Variants in ZNF778 observed in about 807,000 individuals in gnomAD.
ZNF778 encodes zinc finger protein 778.
A neutral mutation model predicts 23.9 loss-of-function variants in ZNF778; 37 were observed. The ratio of observed to expected loss-of-function variants is 1.54; its 90% CI spans 1.19 to 2.03. The LOEUF is 2.03. Ranked by LOEUF, ZNF778 falls within the 30% of genes most tolerant of loss-of-function variation. The pLI is 0.00. For missense variants in ZNF778, 1,297 were observed against 934.4 expected (o/e 1.39, Z -5.06); for synonymous variants, 483 against 343.9 (o/e 1.40, Z -4.48).
At chr16:89,219,347 C>G (rs1402563351) in intron 1 of ZNF778, among the ~76,000 whole-genome samples, 1 of 152,142 alleles carries the variant, frequency 6.6e-6, no homozygotes, top group Non-Finnish European at 1.5e-5. Flanking sequence ...TCCTCCATTT[C>G]TTGCTGCTTC....
In ZNF778 at chr16:89,227,139, G is replaced by C; in HGVS notation, c.851G>C (p.Arg284Thr). 6.2e-7 allele frequency: 1 copy of C among 1,614,060 alleles called. No individual in the cohort carries two copies. The highest frequency in any genetic ancestry group is 8.5e-7 in the Non-Finnish European group (1 of 1,179,900). Residue 284 changes from arginine to threonine, a missense_variant, in exon 7 of 7, where the codon AGG becomes ACG. Physicochemically the swap from Arg to Thr is moderately conservative, Grantham distance 71 (BLOSUM62 -1). Coordinates refer to ENST00000433976, the MANE Select transcript of ZNF778 (RefSeq NM_001201407.2). ...MHAVRNPHVC[R>T]ECGKAFRYTA... Reference sequence around the variant, plus strand: ...GCCGTCAGGAATCCCCACGTATGTAGGGAATGTGGGAAGGCCTTTAGGTAC... The same window carrying C: ...GCCGTCAGGAATCCCCACGTATGTACGGAATGTGGGAAGGCCTTTAGGTAC...
At chr16:89,226,662 C>G in intron 6 of ZNF778, 32 bp from the exon 7 acceptor site, 1 of 1,566,818 alleles carries the variant, frequency 6.4e-7, no homozygotes, top group Non-Finnish European at 8.7e-7. Context: ...GCCTCAGTAA[C>G]CCCCTGACCA....
chr16:89,224,703 C>G lies in ZNF778; in HGVS notation c.245-16C>G. ...GCCTGAGCCTCTTCCATCGATGTCT[C>G]TTTCCCTGTGTACAGGACATCACCT... On this transcript the variant is annotated splice_polypyrimidine_tract_variant and intron_variant, in intron 4 of 6. Coordinates refer to ENST00000433976, the MANE Select transcript of ZNF778 (RefSeq NM_001201407.2). 1 of 1,531,002 alleles carries G rather than the reference C, an allele frequency of 6.5e-7. No individual in the cohort carries two copies. The highest frequency in any genetic ancestry group is 8.8e-7 in the Non-Finnish European group (1 of 1,142,434). 94.8% of individuals were successfully genotyped at this position (1,531,002 alleles called of 1,614,324 possible).
chr16:89,228,692 G>T lies in ZNF778; in HGVS notation c.*130G>T. ...TCAGCATCTCATCACAACCCGGCAG[G>T]CAGGAACTCACCCTGGAGCCCTATG... On this transcript the variant is annotated 3_prime_UTR_variant, in exon 7 of 7. Transcript: ENST00000433976. The T allele has an allele frequency of 6.8e-7, 1 of 1,469,768 alleles. No individual in the cohort carries two copies. The allele number at this position is 1,469,768 out of a possible 1,614,324, so 91.0% of individuals were successfully genotyped here.
Position 89,224,779 on chromosome 16 carries a change from C to T in ZNF778, c.305C>T (p.Ala102Val), listed in dbSNP as rs1222968792. Residue 102 changes from alanine (A) to valine (V), a missense_variant, in exon 5 of 7, where the codon GCA (alanine) becomes GTA (valine). Coordinates refer to ENST00000433976, the MANE Select transcript of ZNF778 (RefSeq NM_001201407.2). ...CTGGAGCAGGAAGAGGAGTTGAGGG[C>T]AGGGCGGAGAGCAGTTCTCCAAGGT... ...YWLEQEEELR[A>V]GRRAVLQEWR... 1 of 1,513,758 alleles carries T rather than the reference C, an allele frequency of 6.6e-7. No individual in the cohort carries two copies. The highest frequency in any genetic ancestry group is 1.2e-5 in the South Asian group (1 of 82,930). 93.8% of individuals were successfully genotyped at this position (1,513,758 alleles called of 1,614,324 possible).
In ZNF778 at chr16:89,232,599, T is replaced by C; in HGVS notation, c.*4037T>C. ...TCCACTCCCAATGTCTGAGGGTTCC[T>C]CAGAGTAAGATAAAATATTAAAGGA... is the stretch of plus-strand genomic sequence containing the variant. On this transcript the variant is annotated 3_prime_UTR_variant, in exon 7 of 7. Transcript: ENST00000433976. 8.4e-7 allele frequency: 1 copy of C among 1,190,088 alleles called. No individual in the cohort carries two copies. The highest frequency in any genetic ancestry group is 1.1e-6 in the Non-Finnish European group (1 of 942,456). The allele number at this position is 1,190,088 out of a possible 1,614,324, so 73.7% of individuals were successfully genotyped here.
intron 3 of ZNF778, 86 bp from the exon 4 acceptor site, chr16:89,223,071 A>G: frequency 1.3e-6 from 2 of 1,495,934 alleles, no homozygotes; most frequent in Non-Finnish European, 1.8e-6. Flanking sequence ...TCACAGTCCC[A>G]TAGGCGTAGG....
rs2031559235 is a variant in ZNF778, at chr16:89,227,221, G to A, written c.933G>A (p.Leu311=). 1 of 1,613,196 alleles carries A rather than the reference G, an allele frequency of 6.2e-7. No homozygotes were observed. The highest frequency in any genetic ancestry group is 8.5e-7 in the Non-Finnish European group (1 of 1,179,274). ...QVHPGEKPCE[L]EECGKASPVS... ...ACCCTGGGGAAAAGCCCTGTGAATT[G>A]GAAGAATGTGGAAAAGCCTCCCCTG... Residue 311 remains leucine (L), a synonymous_variant, in exon 7 of 7, where the codon TTG becomes TTA. Transcript: ENST00000433976.
Position 89,228,998 on chromosome 16 carries a change from C to T in ZNF778, c.*436C>T, listed in dbSNP as rs1457245254. ...TGTATGGAAGATAGCAGTCGCTTCCCTGTGTTCTAAAACCTTGTGGGCTAA... is the reference window on the plus strand; with the variant it reads ...TGTATGGAAGATAGCAGTCGCTTCCTTGTGTTCTAAAACCTTGTGGGCTAA... On this transcript the variant is annotated 3_prime_UTR_variant, in exon 7 of 7. Coordinates refer to ENST00000433976, the MANE Select transcript of ZNF778 (RefSeq NM_001201407.2). 1 of 994,012 alleles carries T rather than the reference C, an allele frequency of 1.0e-6. No individual in the cohort carries two copies. The highest frequency in any genetic ancestry group is 1.8e-5 in the African/African-American group (1 of 56,734). The allele number at this position is 994,012 out of a possible 1,614,324, so 61.6% of individuals were successfully genotyped here.
At chr16:89,220,640 A>G (rs1445899507) in intron 1 of ZNF778, among the ~76,000 whole-genome samples, 2 of 152,236 alleles carry the variant, frequency 1.3e-5, no homozygotes, top group Non-Finnish European at 2.9e-5. Context: ...CCTGGGTGAC[A>G]GCAAGACTCC....
At position 89,234,120 on chromosome 16, in the gene ZNF778, T is replaced by C; in HGVS notation, c.*5558T>C. The C allele has an allele frequency of 2.0e-6, 1 of 489,746 alleles. No homozygotes were observed. The highest frequency in any genetic ancestry group is 3.8e-6 in the Non-Finnish European group (1 of 261,452). 30.3% of individuals were successfully genotyped at this position (489,746 alleles called of 1,614,324 possible). On this transcript the variant is annotated 3_prime_UTR_variant, in exon 7 of 7. Transcript: ENST00000433976. ...GATGTGCCGCCTTCTCTTGACACTG[T>C]GAGTGATAAACTTTCCATGTCAGGA...
rs376434654 is a variant in ZNF778, at chr16:89,227,852, A to G, written c.1564A>G (p.Lys522Glu). ...CTTCACAGGGCGCTCAGGCCTCACTAAACACATGCGGACACACACCGGGGA... is the reference window on the plus strand; with the variant it reads ...CTTCACAGGGCGCTCAGGCCTCACTGAACACATGCGGACACACACCGGGGA... ...KAFTGRSGLT[K>E]HMRTHTGEKP... The change falls in exon 7 of 7, where the codon AAA becomes GAA. Residue 522 changes from lysine to glutamate, a missense_variant. Coordinates refer to ENST00000433976, the MANE Select transcript of ZNF778 (RefSeq NM_001201407.2). The G allele has an allele frequency of 4.3e-6, 7 of 1,613,964 alleles. No individual in the cohort carries two copies. The highest frequency in any genetic ancestry group is 5.9e-6 in the Non-Finnish European group (7 of 1,179,992).
chr16:89,228,829 C>G lies in ZNF778; in HGVS notation c.*267C>G, dbSNP rs2031737964. The G allele has an allele frequency of 1.7e-6, 2 of 1,172,460 alleles. No homozygotes were observed. The highest frequency in any genetic ancestry group is 2.1e-6 in the Non-Finnish European group (2 of 948,262). 72.6% of individuals were successfully genotyped at this position (1,172,460 alleles called of 1,614,324 possible). ...GATATGCAGCAGCATTGTTGCTGTT[C>G]TGCTCAGTACTTTGATGATCCCTTG... On this transcript the variant is annotated 3_prime_UTR_variant, in exon 7 of 7. Transcript: ENST00000433976.
rs548071007 is a variant in ZNF778, at chr16:89,236,630, A to G, written c.*8068A>G. 12 of 152,352 alleles carry G rather than the reference A, an allele frequency of 7.9e-5. No homozygotes were observed. The highest frequency in any genetic ancestry group is 2.9e-4 in the African/African-American group (12 of 41,576). 9.4% of individuals were successfully genotyped at this position (152,352 alleles called of 1,614,324 possible). ...GCAAAAATTATCACATGGGGTTTCA[A>G]CTGATGTATATTTAATACATAAGAC... On this transcript the variant is annotated 3_prime_UTR_variant, in exon 7 of 7. Transcript: ENST00000433976.
At position 89,231,797 on chromosome 16, in the gene ZNF778, C is replaced by T. The variant is rs930796906; in HGVS notation, c.*3235C>T. 2.0e-5 allele frequency: 3 copies of T among 152,224 alleles called. No individual in the cohort carries two copies. The highest frequency in any genetic ancestry group is 7.2e-5 in the African/African-American group (3 of 41,430). The allele number at this position is 152,224 out of a possible 1,614,324, so 9.4% of individuals were successfully genotyped here. A position where few individuals can be genotyped will look rare whatever the true frequency, so the allele number is the denominator to read the frequency against. On this transcript the variant is annotated 3_prime_UTR_variant, in exon 7 of 7. Coordinates refer to ENST00000433976, the MANE Select transcript of ZNF778 (RefSeq NM_001201407.2). The stretch of plus-strand genomic sequence containing the variant: ...GCCTCTGGGAAGGCCACTGTCTCCC[C>T]AGTGCCTTCTCCTCCGCTGCAGCTT...
In ZNF778 at chr16:89,227,649, G is replaced by A; in HGVS notation, c.1361G>A (p.Cys454Tyr). ...TGEKPYTCKDCGKAFCTSSGL... is the reference protein window; with the variant it reads ...TGEKPYTCKDYGKAFCTSSGL... ...GAGAAGCCATACACGTGTAAGGACT[G>A]CGGGAAAGCCTTCTGTACATCCTCG... The change falls in exon 7 of 7, where the codon TGC becomes TAC. Residue 454 changes from cysteine to tyrosine, a missense_variant. Physicochemically the swap from Cys to Tyr is radical, Grantham distance 194. Coordinates refer to ENST00000433976, the MANE Select transcript of ZNF778 (RefSeq NM_001201407.2). The A allele has an allele frequency of 5.0e-6, 8 of 1,614,172 alleles. No homozygotes were observed. The highest frequency in any genetic ancestry group is 6.8e-6 in the Non-Finnish European group (8 of 1,179,998).
At position 89,235,164 on chromosome 16, in the gene ZNF778, T is replaced by TA. The variant is rs1253874157; in HGVS notation, c.*6604dup. On this transcript the variant is annotated 3_prime_UTR_variant, in exon 7 of 7. Transcript: ENST00000433976. The stretch of plus-strand genomic sequence containing the variant: ...AAATTTTTGCAAGGCCTCTTTTTTT[T>TA]AATGAAGAAAAGAGGTTTATTTTGT... 6.6e-6 allele frequency: 1 copy of TA among 152,140 alleles called. No individual in the cohort carries two copies. The highest frequency in any genetic ancestry group is 1.5e-5 in the Non-Finnish European group (1 of 68,030). 9.4% of individuals were successfully genotyped at this position (152,140 alleles called of 1,614,324 possible).
rs1249339517 is a variant in ZNF778 at position 89,223,209 on chromosome 16, C to G, written c.170C>G (p.Thr57Ser). ...GTGGACTTCACCCAGGAGGAATGGA[C>G]TTTACTGGACCCATCTCAGAGAGAC... The part of the protein sequence containing the change: ...VAVDFTQEEW[T>S]LLDPSQRDLY... Residue 57 changes from threonine to serine, a missense_variant, in exon 4 of 7, where the codon ACT becomes AGT. Transcript: ENST00000433976. 2 of 1,614,078 alleles carry G rather than the reference C, an allele frequency of 1.2e-6. No individual in the cohort carries two copies. The highest frequency in any genetic ancestry group is 3.3e-5 in the Admixed American group (2 of 59,982).
In ZNF778 at chr16:89,236,839, A is replaced by C. The variant is rs1353982587; in HGVS notation, c.*8277A>C. The C allele has an allele frequency of 2.0e-5, 3 of 152,238 alleles. No individual in the cohort carries two copies. The highest frequency in any genetic ancestry group is 4.8e-5 in the African/African-American group (2 of 41,440). 9.4% of individuals were successfully genotyped at this position (152,238 alleles called of 1,614,324 possible). On this transcript the variant is annotated 3_prime_UTR_variant, in exon 7 of 7. Coordinates refer to ENST00000433976, the MANE Select transcript of ZNF778 (RefSeq NM_001201407.2). ...GTAATCCCACCACTTTGGGAGAGTGAGGTGGGTGGATCACTTGAGGTCAGG... is the reference window on the plus strand; with the variant it reads ...GTAATCCCACCACTTTGGGAGAGTGCGGTGGGTGGATCACTTGAGGTCAGG...
Sources: allele counts gnomAD v4.1 joint callset (sites outside exome capture counted in the v4.1 genomes callset), GRCh38; gene constraint gnomAD v4.1.1; transcripts MANE v1.5; gene names NCBI Gene and HGNC (gene_info 2026-07-23, HGNC 2026-07-21).